The following PRELP variants were observed in gnomAD, a reference collection of about 807,000 sequenced individuals.
PRELP encodes the protein prolargin.
A neutral mutation model predicts 22.8 loss-of-function variants in PRELP; 16 were observed. The ratio of observed to expected loss-of-function variants is 0.70; its 90% CI spans 0.47 to 1.06. The LOEUF is 1.06. PRELP is among the 50% of genes least tolerant of loss of function. The probability of loss-of-function intolerance (pLI) is 0.00; values close to 1 mark genes in which losing one functional copy is unlikely to be tolerated. For missense variants in PRELP, 434 were observed against 485.2 expected (o/e 0.89, Z 0.99); for synonymous variants, 233 against 211.4 (o/e 1.10, Z -0.89).
rs187575727 is a variant in PRELP, at chr1:203,488,905, A to C, written c.*2024A>C. ...AGTGCCCACCCCCAAGTTAGGATGAAAAAAGTTCCAGAGGTTTTTAAGAAA... is the reference window on the plus strand; with the variant it reads ...AGTGCCCACCCCCAAGTTAGGATGACAAAAGTTCCAGAGGTTTTTAAGAAA... On this transcript the variant is annotated 3_prime_UTR_variant, in exon 3 of 3. Coordinates refer to ENST00000343110, the MANE Select transcript of PRELP (RefSeq NM_002725.4). 6 of 152,334 alleles carry C rather than the reference A, an allele frequency of 3.9e-5. No homozygotes were observed. The East Asian group carries it at 1.2e-3, about 29-fold the overall frequency. The allele number at this position is 152,334 out of a possible 1,614,324, so 9.4% of individuals were successfully genotyped here.
intron 1 of PRELP, among the ~76,000 whole-genome samples, chr1:203,482,747 G>A (rs560568799): frequency 3.2e-4 from 49 of 151,750 alleles, no homozygotes; most frequent in African/African-American, 8.9e-4. Context: ...ACAGGCACCC[G>A]CCACCACGCC....
rs1438874629 is a variant in PRELP at position 203,486,786 on chromosome 1, C to G, written c.1054C>G (p.Leu352Val). The change falls in exon 3 of 3, where the codon CTG becomes GTG. Residue 352 changes from leucine (L) to valine (V), a missense_variant. Transcript: ENST00000343110. ...FSSDLENVPHLRYLRLDGNYL... is the reference protein window; with the variant it reads ...FSSDLENVPHVRYLRLDGNYL... ...CTCGGACCTGGAGAACGTGCCACAC[C>G]TGCGCTACCTGCGGCTGGATGGAAA... 1 of 1,614,172 alleles carries G rather than the reference C, an allele frequency of 6.2e-7. No individual in the cohort carries two copies. Among genetic ancestry groups the G allele is most frequent in the Admixed American group, 1.7e-5 (1 of 60,024 alleles).
chr1:203,487,194 C>A lies in PRELP; in HGVS notation c.*313C>A. On this transcript the variant is annotated 3_prime_UTR_variant, in exon 3 of 3. Coordinates refer to ENST00000343110, the MANE Select transcript of PRELP (RefSeq NM_002725.4). ...TGTCCCCTTCTCTCTCCTCCCCCACCCGCCACTCCTGGGTACATCTGGGCC... is the reference window on the plus strand; with the variant it reads ...TGTCCCCTTCTCTCTCCTCCCCCACACGCCACTCCTGGGTACATCTGGGCC... The A allele has an allele frequency of 3.9e-6, 1 of 257,602 alleles. No homozygotes were observed. The highest frequency in any genetic ancestry group is 7.5e-6 in the Non-Finnish European group (1 of 133,810). 16.0% of individuals were successfully genotyped at this position (257,602 alleles called of 1,614,324 possible).
intron 1 of PRELP, among the ~76,000 whole-genome samples, chr1:203,480,016 G>A (rs116194431): frequency 0.02 from 3,037 of 152,150 alleles, 93 homozygotes; most frequent in African/African-American, 0.069. Context: ...GAGGTGGGAG[G>A]ATTGCTTGAG....
intron 1 of PRELP, among the ~76,000 whole-genome samples, chr1:203,481,707 C>T (rs546730184): frequency 2.0e-5 from 3 of 152,116 alleles, no homozygotes; most frequent in African/African-American, 7.2e-5. Context: ...GGCTCATATA[C>T]GCACACAGAG....
rs1661170580 is a variant in PRELP, at chr1:203,490,305, C to T, written c.*3424C>T. The T allele has an allele frequency of 6.6e-6, 1 of 152,140 alleles. No homozygotes were observed. The highest frequency in any genetic ancestry group is 2.4e-5 in the African/African-American group (1 of 41,422). The allele number at this position is 152,140 out of a possible 1,614,324, so 9.4% of individuals were successfully genotyped here. A position where few individuals can be genotyped will look rare whatever the true frequency, so the allele number is the denominator to read the frequency against. ...TGAAGAATTTCTCGCAAACTCACAACCCTCATGAAAAATTAATCCTCAGTT... is the reference window on the plus strand; with the variant it reads ...TGAAGAATTTCTCGCAAACTCACAATCCTCATGAAAAATTAATCCTCAGTT... On this transcript the variant is annotated 3_prime_UTR_variant, in exon 3 of 3. Coordinates refer to ENST00000343110, the MANE Select transcript of PRELP (RefSeq NM_002725.4).
rs1661103932 is a variant in PRELP at position 203,486,936 on chromosome 1, C to G, written c.*55C>G. 2.7e-6 allele frequency: 4 copies of G among 1,509,012 alleles called. No homozygotes were observed. Among genetic ancestry groups the G allele is most frequent in the Non-Finnish European group, 3.6e-6 (4 of 1,112,372 alleles). 93.5% of individuals were successfully genotyped at this position (1,509,012 alleles called of 1,614,324 possible). A position where few individuals can be genotyped will look rare whatever the true frequency, so the allele number is the denominator to read the frequency against. On this transcript the variant is annotated 3_prime_UTR_variant, in exon 3 of 3. Coordinates refer to ENST00000343110, the MANE Select transcript of PRELP (RefSeq NM_002725.4). The stretch of plus-strand genomic sequence containing the variant: ...CCGCACTTGAAGGCTGGGGCCCAGG[C>G]ACCTGTGCCGGCCATTCGTTTTCTC...
chr1:203,479,624 G>A (rs919811969), intron 1 of PRELP, among the ~76,000 whole-genome samples: 1 of 146,442 alleles, frequency 6.8e-6, no homozygotes, highest in African/African-American at 2.5e-5. Context: ...GATCACCTGA[G>A]CCCAGGGAGG....
intron 1 of PRELP, among the ~76,000 whole-genome samples, chr1:203,479,141 T>A (rs1243249267): frequency 1.3e-5 from 2 of 152,120 alleles, no homozygotes; most frequent in Non-Finnish European, 2.9e-5. Context: ...ACAGGAGATC[T>A]GACAAGTAAG....
intron 1 of PRELP, among the ~76,000 whole-genome samples, chr1:203,482,204 G>A (rs1043700209): frequency 6.6e-6 from 1 of 152,012 alleles, no homozygotes; most frequent in African/African-American, 2.4e-5. Context: ...TGGGAGGACT[G>A]AGGGCCAGAG....
chr1:203,489,947 A>T lies in PRELP; in HGVS notation c.*3066A>T, dbSNP rs1304458547. 6.6e-6 allele frequency: 1 copy of T among 152,108 alleles called. No homozygotes were observed. Among genetic ancestry groups the T allele is most frequent in the Non-Finnish European group, 1.5e-5 (1 of 68,028 alleles). 9.4% of individuals were successfully genotyped at this position (152,108 alleles called of 1,614,324 possible). ...ACTCCAGCCTAGGAGACAAAACGAG[A>T]CTTCATTTAAAAAAAATAAAAATAA... On this transcript the variant is annotated 3_prime_UTR_variant, in exon 3 of 3. Transcript: ENST00000343110.
rs536557026 is a variant in PRELP, at chr1:203,490,652, G to A, written c.*3771G>A. 6.6e-6 allele frequency: 1 copy of A among 152,338 alleles called. No individual in the cohort carries two copies. The highest frequency in any genetic ancestry group is 6.5e-5 in the Admixed American group (1 of 15,302). The allele number at this position is 152,338 out of a possible 1,614,324, so 9.4% of individuals were successfully genotyped here. On this transcript the variant is annotated 3_prime_UTR_variant, in exon 3 of 3. Transcript: ENST00000343110. Reference sequence around the variant, plus strand: ...CATGCCATGCGGAAGTCCACCGAAGGGTTAGAACAGGGTGTCCCAGACTCT... The same window carrying A: ...CATGCCATGCGGAAGTCCACCGAAGAGTTAGAACAGGGTGTCCCAGACTCT...
intron 1 of PRELP, among the ~76,000 whole-genome samples, chr1:203,482,814 G>T (rs1326432548): frequency 1.3e-5 from 2 of 150,864 alleles, no homozygotes; most frequent in Non-Finnish European, 3.0e-5. Flanking sequence ...AGCCAGGATG[G>T]TCTCGATCTC....
In PRELP at chr1:203,486,958, T is replaced by C; in HGVS notation, c.*77T>C. On this transcript the variant is annotated 3_prime_UTR_variant, in exon 3 of 3. Transcript: ENST00000343110. ...AGGCACCTGTGCCGGCCATTCGTTTTCTCTCTCTCCCTTTCTTTCTCCCAG... is the reference window on the plus strand; with the variant it reads ...AGGCACCTGTGCCGGCCATTCGTTTCCTCTCTCTCCCTTTCTTTCTCCCAG... 1 of 1,414,116 alleles carries C rather than the reference T, an allele frequency of 7.1e-7. No individual in the cohort carries two copies. The highest frequency in any genetic ancestry group is 9.5e-7 in the Non-Finnish European group (1 of 1,050,206). The allele number at this position is 1,414,116 out of a possible 1,614,324, so 87.6% of individuals were successfully genotyped here. A position where few individuals can be genotyped will look rare whatever the true frequency, so the allele number is the denominator to read the frequency against.
rs1661132538 is a variant in PRELP, at chr1:203,488,280, CCGAG to C, written c.*1400_*1403del. On this transcript the variant is annotated 3_prime_UTR_variant, in exon 3 of 3. Transcript: ENST00000343110. ...CCTGTAATCCCAGCACTTTGGGAGG[CCGAG>C]GCGGGCAGATTATTGCCTGAGCTCA... The C allele has an allele frequency of 6.6e-6, 1 of 152,360 alleles. No individual in the cohort carries two copies. Among genetic ancestry groups the C allele is most frequent in the Non-Finnish European group, 1.5e-5 (1 of 68,160 alleles). 9.4% of individuals were successfully genotyped at this position (152,360 alleles called of 1,614,324 possible).
chr1:203,478,479 C>T (rs935864207), intron 1 of PRELP, among the ~76,000 whole-genome samples: 1 of 152,254 alleles, frequency 6.6e-6, no homozygotes, highest in African/African-American at 2.4e-5. Flanking sequence ...GTGGTAGACA[C>T]TGGGGAGACA....
chr1:203,490,863 A>G lies in PRELP; in HGVS notation c.*3982A>G, dbSNP rs1423583516. On this transcript the variant is annotated 3_prime_UTR_variant, in exon 3 of 3. Coordinates refer to ENST00000343110, the MANE Select transcript of PRELP (RefSeq NM_002725.4). ...TCACATGCCAGGTCCCCAGCTACGC[A>G]TTCAAGGATGGATAATATACATAGC... 1 of 152,224 alleles carries G rather than the reference A, an allele frequency of 6.6e-6. No homozygotes were observed. The highest frequency in any genetic ancestry group is 2.4e-5 in the African/African-American group (1 of 41,452). The allele number at this position is 152,224 out of a possible 1,614,324, so 9.4% of individuals were successfully genotyped here.
At chr1:203,486,592 C>A in intron 2 of PRELP, 114 bp from the exon 3 acceptor site, 1 of 1,003,398 alleles carries the variant, frequency 1.0e-6, no homozygotes. Context: ...CAAAGCTAGC[C>A]AGTTTCAGAG....
intron 1 of PRELP, among the ~76,000 whole-genome samples, chr1:203,482,591 CTTTTTTTTT>C (rs58787817): frequency 3.9e-5 from 2 of 51,078 alleles, no homozygotes; most frequent in Non-Finnish European, 6.6e-5. Flanking sequence ...CCCAATGTGC[CTTTTTTTTT>C]TTTTTTTTTT....
Sources: allele counts gnomAD v4.1 joint callset (sites outside exome capture counted in the v4.1 genomes callset), GRCh38; gene constraint gnomAD v4.1.1; transcripts MANE v1.5; gene names NCBI Gene and HGNC (gene_info 2026-07-23, HGNC 2026-07-21).